The following GALNT13 variants were observed in gnomAD, a reference collection of about 807,000 sequenced individuals.
The protein encoded by GALNT13 is UDP-GalNAc:polypeptide N-acetylgalactosaminyltransferase 13.
GALNT13 carries 28 observed loss-of-function variants against 64.2 expected under a neutral mutation model. The observed-to-expected ratio is 0.44, with a 90% confidence interval of 0.32 to 0.60. The LOEUF (loss-of-function observed/expected upper bound fraction) is 0.60. Among genes scored for constraint, GALNT13 ranks in the 20% least tolerant of loss-of-function variants. The probability of loss-of-function intolerance (pLI) is 0.05; values close to 1 mark genes in which losing one functional copy is unlikely to be tolerated. For missense variants in GALNT13, 577 were observed against 669.8 expected (o/e 0.86, Z 1.53); for synonymous variants, 214 against 224.6 (o/e 0.95, Z 0.42).
the GALNT13 span, among the ~76,000 whole-genome samples, chr2:153,211,316 GTA>G: frequency 6.6e-6 from 1 of 151,796 alleles, no homozygotes; most frequent in African/African-American, 2.4e-5. Context: ...CTAATTTTTT[GTA>G]TTTTAGTAGA....
the GALNT13 span, among the ~76,000 whole-genome samples, chr2:153,297,325 G>T: frequency 2.0e-5 from 3 of 152,090 alleles, no homozygotes; most frequent in Non-Finnish European, 2.9e-5. Context: ...CAACCCAAAA[G>T]AGATCTTTAT....
At chr2:153,138,472 T>C in the GALNT13 span, among the ~76,000 whole-genome samples, 2 of 152,078 alleles carry the variant, frequency 1.3e-5, no homozygotes, top group Non-Finnish European at 2.9e-5. Context: ...AGTTTTCCAT[T>C]GTCTTTCAGA....
chr2:153,693,130 C>G, the GALNT13 span, among the ~76,000 whole-genome samples: 1 of 152,142 alleles, frequency 6.6e-6, no homozygotes. Context: ...TGAAGCTGGT[C>G]CCAGAGAGAG....
chr2:154,008,129 A>G (rs1416499231), intron 3 of GALNT13, among the ~76,000 whole-genome samples: 1 of 152,034 alleles, frequency 6.6e-6, no homozygotes, highest in Non-Finnish European at 1.5e-5. Context: ...GACAGGATCA[A>G]CTCCCAAATT....
the GALNT13 span, among the ~76,000 whole-genome samples, chr2:153,241,791 C>G: frequency 6.6e-6 from 1 of 151,790 alleles, no homozygotes; most frequent in Non-Finnish European, 1.5e-5. Context: ...TTCTATGATA[C>G]CCCTCTCCCC....
the GALNT13 span, among the ~76,000 whole-genome samples, chr2:153,759,402 C>T: frequency 6.6e-6 from 1 of 152,010 alleles, no homozygotes; most frequent in Admixed American, 6.6e-5. Flanking sequence ...GGGAAAGTTG[C>T]CATTGTTTTC....
the GALNT13 span, chr2:153,478,786 TGGTGCTCGTTCCC>T: frequency 2.1e-6 from 1 of 485,214 alleles, no homozygotes; most frequent in African/African-American, 2.1e-5. Context: ...CCAGCCCTGG[TGGTGCTCGTTCCC>T]GGCGCTCGCT....
chr2:153,892,418 G>A (rs1479695103), intron 1 of GALNT13, among the ~76,000 whole-genome samples: 1 of 151,810 alleles, frequency 6.6e-6, no homozygotes, highest in African/African-American at 2.4e-5. Context: ...AAAAATCATG[G>A]GTCCAAGATT....
the GALNT13 span, among the ~76,000 whole-genome samples, chr2:153,736,605 G>A: frequency 6.6e-5 from 10 of 152,134 alleles, no homozygotes; most frequent in East Asian, 1.7e-3. Flanking sequence ...ATTTTCGTAC[G>A]TATTTCTCTA....
At chr2:153,747,729 A>G in the GALNT13 span, among the ~76,000 whole-genome samples, 1 of 151,840 alleles carries the variant, frequency 6.6e-6, no homozygotes, top group Admixed American at 6.6e-5. Flanking sequence ...ACCTGACCCA[A>G]TTGTTTTGGT....
intron 9 of GALNT13, among the ~76,000 whole-genome samples, chr2:154,360,666 A>G (rs546503068): frequency 5.9e-5 from 9 of 152,282 alleles, no homozygotes; most frequent in African/African-American, 2.2e-4. Context: ...TCATAAGTCT[A>G]TTGTCATAAA....
At chr2:153,977,706 G>T (rs1267449987) in intron 3 of GALNT13, among the ~76,000 whole-genome samples, 1 of 152,114 alleles carries the variant, frequency 6.6e-6, no homozygotes, top group Non-Finnish European at 1.5e-5. Flanking sequence ...TTAGAGAAAT[G>T]CAAAATCTCA....
At chr2:153,990,478 T>A (rs910457769) in intron 3 of GALNT13, among the ~76,000 whole-genome samples, 1 of 152,120 alleles carries the variant, frequency 6.6e-6, no homozygotes, top group African/African-American at 2.4e-5. Flanking sequence ...CACTTTCAGT[T>A]TTTTAGAATA....
At chr2:154,153,906 TG>T (rs1684233802) in intron 4 of GALNT13, among the ~76,000 whole-genome samples, 3 of 152,254 alleles carry the variant, frequency 2.0e-5, no homozygotes, top group Non-Finnish European at 2.9e-5. Flanking sequence ...TGCCTTGCCC[TG>T]CTTCGGCTCA....
chr2:153,479,078 T>A, the GALNT13 span, among the ~76,000 whole-genome samples: 1 of 152,196 alleles, frequency 6.6e-6, no homozygotes, highest in Admixed American at 6.5e-5. Flanking sequence ...AAAGAGTTTG[T>A]CGGGGGAGGG....
At chr2:153,810,060 A>G in the GALNT13 span, among the ~76,000 whole-genome samples, 1 of 152,136 alleles carries the variant, frequency 6.6e-6, no homozygotes, top group Admixed American at 6.5e-5. Flanking sequence ...TCCTGGGTTC[A>G]CACCATTCTC....
intron 9 of GALNT13, among the ~76,000 whole-genome samples, chr2:154,370,191 A>G (rs1697602213): frequency 6.6e-6 from 1 of 152,096 alleles, no homozygotes. Context: ...ATAATTACTG[A>G]GGGGGATTTA....
At chr2:153,126,296 GTATA>G in the GALNT13 span, among the ~76,000 whole-genome samples, 460 of 118,120 alleles carry the variant, frequency 3.9e-3, 3 homozygotes, top group African/African-American at 8.6e-3. Flanking sequence ...TATTGATTTT[GTATA>G]TATATATATA....
chr2:154,050,015 T>G (rs1490367458), intron 3 of GALNT13, among the ~76,000 whole-genome samples: 1 of 152,140 alleles, frequency 6.6e-6, no homozygotes, highest in Non-Finnish European at 1.5e-5. Flanking sequence ...ATTGGGTGAA[T>G]TTTTGTATTA....
Sources: gnomAD v4.1 joint callset for allele counts (sites outside exome capture counted in the v4.1 genomes callset) on GRCh38, gnomAD v4.1.1 for gene constraint, MANE v1.5 for transcripts, NCBI Gene and HGNC (gene_info 2026-07-23, HGNC 2026-07-21) for gene names.